Variants in FNDC3B observed in about 807,000 individuals in gnomAD.
The protein encoded by FNDC3B is fibronectin type III domain-containing protein 3B.
A neutral mutation model predicts 151.5 loss-of-function variants in FNDC3B; 12 were observed. That is an observed-to-expected ratio of 0.08 (90% confidence interval 0.05 to 0.13). The LOEUF (loss-of-function observed/expected upper bound fraction) is 0.13, where lower values mean the gene tolerates loss of function less well. FNDC3B is among the 10% of genes least tolerant of loss of function. The pLI is 1.00. For missense variants in FNDC3B, 1,214 were observed against 1,505.3 expected, an observed-to-expected ratio of 0.81 and a Z score of 3.20; for synonymous variants, 528 against 549.0, an observed-to-expected ratio of 0.96 and a Z score of 0.54.
intron 3 of FNDC3B, among the ~76,000 whole-genome samples, chr3:172,208,737 C>CTGTGCTT (rs1553773233): frequency 3.9e-4 from 1 of 2,584 alleles, no homozygotes; most frequent in Non-Finnish European, 1.2e-3. Context: ...CTGGATCAGG[C>CTGTGCTT]AGCACCACCG....
At chr3:172,310,631 G>C (rs1022275636) in intron 10 of FNDC3B, among the ~76,000 whole-genome samples, 197 bp from the exon 11 acceptor site, 35 of 152,316 alleles carry the variant, frequency 2.3e-4, no homozygotes, top group Non-Finnish European at 5.0e-4. Flanking sequence ...ATTCATAGTG[G>C]GGACTCTCTC....
At chr3:172,300,315 G>A (rs6795768) in intron 9 of FNDC3B, among the ~76,000 whole-genome samples, 85,739 of 152,102 alleles carry the variant, frequency 0.56, 26,196 homozygotes, top group African/African-American at 0.8. Context: ...TTTCTGCTCC[G>A]TGCTTTAACA....
At chr3:172,120,556 T>C (rs923498077) in intron 2 of FNDC3B, among the ~76,000 whole-genome samples, 3 of 150,592 alleles carry the variant, frequency 2.0e-5, no homozygotes, top group Non-Finnish European at 4.4e-5. Context: ...ATTGCCTTTG[T>C]CATACAGGCA....
At chr3:172,050,814 CA>C (rs1396802035) in intron 1 of FNDC3B, among the ~76,000 whole-genome samples, 3 of 151,342 alleles carry the variant, frequency 2.0e-5, no homozygotes, top group Non-Finnish European at 4.4e-5. Context: ...TGGCTTGATA[CA>C]AATTCCACTC....
At chr3:172,132,758 AT>A (rs1168448659) in intron 2 of FNDC3B, among the ~76,000 whole-genome samples, 9 of 152,052 alleles carry the variant, frequency 5.9e-5, no homozygotes, top group African/African-American at 1.2e-4. Context: ...TCAATTAGTG[AT>A]TTTTTTCCTT....
At chr3:172,318,857 C>T (rs552186616) in intron 11 of FNDC3B, among the ~76,000 whole-genome samples, 21 of 152,306 alleles carry the variant, frequency 1.4e-4, no homozygotes, top group South Asian at 4.1e-4. Context: ...CCATGTCTTA[C>T]GGTTGTTTCA....
chr3:172,283,748 C>T (rs6801546), intron 6 of FNDC3B, among the ~76,000 whole-genome samples: 3,716 of 151,874 alleles, frequency 0.024, 89 homozygotes, highest in Middle Eastern at 0.068. Flanking sequence ...TTTTTCTAAC[C>T]GGCAGTTATC....
Position 172,060,192 on chromosome 3 carries a change from G to A in FNDC3B, c.-29+20421G>A, listed in dbSNP as rs190264382. On this transcript the variant is annotated intron_variant, in intron 1 of 25. Transcript: ENST00000415807. ...TCAAATACTATCTTTTAGGATTCTC[G>A]TGACTCAGTTTTGTAGTGAACTTTT... Among the ~76,000 whole-genome samples the A allele has an allele frequency of 4.1e-3, 625 of 152,248 alleles. 1 individual carries two copies. Among genetic ancestry groups the A allele is most frequent in the Middle Eastern group, 0.017 (5 of 294 alleles).
intron 3 of FNDC3B, among the ~76,000 whole-genome samples, chr3:172,162,868 A>G (rs989379384): frequency 6.6e-6 from 1 of 152,216 alleles, no homozygotes; most frequent in African/African-American, 2.4e-5. Flanking sequence ...TCATAGCACT[A>G]ACCAAACCAC....
At chr3:172,124,175 C>T (rs929557021) in intron 2 of FNDC3B, among the ~76,000 whole-genome samples, 1 of 152,214 alleles carries the variant, frequency 6.6e-6, no homozygotes, top group Non-Finnish European at 1.5e-5. Flanking sequence ...ACTGCAACCT[C>T]TGCCTCCCTG....
chr3:172,175,697 A>G (rs771421092), intron 3 of FNDC3B, among the ~76,000 whole-genome samples: 34 of 152,340 alleles, frequency 2.2e-4, no homozygotes, highest in Non-Finnish European at 4.9e-4. Context: ...ACAGACAACC[A>G]CACAGAAAAC....
At chr3:172,225,274 A>T (rs1255154320) in intron 3 of FNDC3B, among the ~76,000 whole-genome samples, 1 of 152,156 alleles carries the variant, frequency 6.6e-6, no homozygotes, top group African/African-American at 2.4e-5. Flanking sequence ...CCTGGGCTCA[A>T]GCCATCCTCC....
chr3:172,206,825 A>G (rs1158730762), intron 3 of FNDC3B, among the ~76,000 whole-genome samples: 1 of 152,196 alleles, frequency 6.6e-6, no homozygotes, highest in Non-Finnish European at 1.5e-5. Context: ...TATTGACCAC[A>G]TGAAACCTAT....
intron 3 of FNDC3B, among the ~76,000 whole-genome samples, chr3:172,157,167 C>A (rs2108611591): frequency 6.6e-6 from 1 of 152,192 alleles, no homozygotes; most frequent in East Asian, 1.9e-4. Context: ...AAGCTGCCAG[C>A]AAATATTATT....
chr3:172,286,888 G>A (rs910345151), intron 7 of FNDC3B, among the ~76,000 whole-genome samples: 1 of 152,204 alleles, frequency 6.6e-6, no homozygotes, highest in Non-Finnish European at 1.5e-5. Flanking sequence ...GCAGGGAAGA[G>A]CAGTGTTAGA....
chr3:172,163,217 G>T (rs559190508), intron 3 of FNDC3B, among the ~76,000 whole-genome samples: 1 of 152,084 alleles, frequency 6.6e-6, no homozygotes, highest in Admixed American at 6.5e-5. Flanking sequence ...GCTGCAGTGA[G>T]TTATGGTCGT....
At chr3:172,277,037 T>C (rs1000992229) in intron 6 of FNDC3B, among the ~76,000 whole-genome samples, 1 of 152,216 alleles carries the variant, frequency 6.6e-6, no homozygotes, top group African/African-American at 2.4e-5. Flanking sequence ...TTTTTGTTTA[T>C]GTAGGAGAAG....
chr3:172,258,198 T>C (rs1728462782), intron 6 of FNDC3B, among the ~76,000 whole-genome samples: 1 of 152,194 alleles, frequency 6.6e-6, no homozygotes, highest in Non-Finnish European at 1.5e-5. Context: ...GCATTTGACC[T>C]TTGGAATTGT....
intron 8 of FNDC3B, among the ~76,000 whole-genome samples, chr3:172,296,291 A>G (rs1041275409): frequency 5.9e-5 from 9 of 151,956 alleles, no homozygotes; most frequent in African/African-American, 1.7e-4. Flanking sequence ...TCTGCCAGAG[A>G]TGTTTCTTTT....
Sources: gnomAD v4.1 joint callset for allele counts (sites outside exome capture counted in the v4.1 genomes callset) on GRCh38, gnomAD v4.1.1 for gene constraint, MANE v1.5 for transcripts, NCBI Gene and HGNC (gene_info 2026-07-23, HGNC 2026-07-21) for gene names.